The following PLPPR1 variants were observed in gnomAD, a reference collection of about 807,000 sequenced individuals.
The protein encoded by PLPPR1 is phospholipid phosphatase-related protein type 1.
PLPPR1 carries 10 observed loss-of-function variants against 33.1 expected under a neutral mutation model. The ratio of observed to expected loss-of-function variants is 0.30; its 90% CI spans 0.19 to 0.51. The LOEUF is 0.51. PLPPR1 is among the 20% of genes least tolerant of loss of function. PLPPR1 has a pLI of 0.97. For missense variants in PLPPR1, 304 were observed against 408.1 expected, an observed-to-expected ratio of 0.74 and a Z score of 2.20; for synonymous variants, 151 against 151.0, an observed-to-expected ratio of 1.00 and a Z score of 0.00.
At chr9:101,125,470 C>T in intron 1 of PLPPR1, 1 of 300,176 alleles carries the variant, frequency 3.3e-6, no homozygotes, top group East Asian at 8.4e-5. Flanking sequence ...CTGGGTAGAG[C>T]TCAGAAATCC....
At chr9:101,040,469 T>C (rs755324864) in intron 1 of PLPPR1, among the ~76,000 whole-genome samples, 7 of 152,170 alleles carry the variant, frequency 4.6e-5, no homozygotes, top group African/African-American at 1.4e-4. Context: ...ATACCCAAGA[T>C]AGAATCTGAT....
chr9:101,084,484 C>T (rs1023093762), intron 1 of PLPPR1, among the ~76,000 whole-genome samples: 3 of 152,170 alleles, frequency 2.0e-5, no homozygotes, highest in African/African-American at 7.2e-5. Flanking sequence ...CTTTAATCTA[C>T]ACAATCTTCT....
chr9:101,035,049 C>T (rs936154888), intron 1 of PLPPR1, among the ~76,000 whole-genome samples: 1 of 152,154 alleles, frequency 6.6e-6, no homozygotes, highest in African/African-American at 2.4e-5. Flanking sequence ...TTTGCACCTT[C>T]AGGCTCATAG....
At chr9:101,127,786 G>A (rs1221791358) in intron 1 of PLPPR1, among the ~76,000 whole-genome samples, 5 of 152,150 alleles carry the variant, frequency 3.3e-5, no homozygotes, top group Non-Finnish European at 7.3e-5. Context: ...TCCTGGACAT[G>A]TTCCAAGACT....
At chr9:101,132,301 GA>G (rs1187540931) in intron 1 of PLPPR1, among the ~76,000 whole-genome samples, 1 of 152,052 alleles carries the variant, frequency 6.6e-6, no homozygotes, top group Admixed American at 6.6e-5. Flanking sequence ...GGAAAGTGAA[GA>G]AAACTAGAGC....
chr9:101,266,108 C>T (rs1388967149), intron 2 of PLPPR1, among the ~76,000 whole-genome samples: 1 of 151,104 alleles, frequency 6.6e-6, no homozygotes, highest in Non-Finnish European at 1.5e-5. Flanking sequence ...GGGGGACTTC[C>T]CAGGGAGTTT....
intron 4 of PLPPR1, 115 bp downstream of exon 4, chr9:101,286,351 G>A (rs1455532895): frequency 8.2e-6 from 8 of 972,346 alleles, no homozygotes; most frequent in Non-Finnish European, 1.2e-5. Flanking sequence ...GGCTGCTTTG[G>A]GGATTTTCCT....
intron 1 of PLPPR1, among the ~76,000 whole-genome samples, chr9:101,046,446 T>TC (rs1201177701): frequency 1.4e-5 from 2 of 145,450 alleles, no homozygotes; most frequent in African/African-American, 5.1e-5. Flanking sequence ...TTTTTTTTTT[T>TC]TTTTTTTTTT....
chr9:101,088,523 G>T (rs1830704819), intron 1 of PLPPR1, among the ~76,000 whole-genome samples: 1 of 152,042 alleles, frequency 6.6e-6, no homozygotes, highest in Non-Finnish European at 1.5e-5. Context: ...TAGCATAGAA[G>T]TTGAAAATAA....
chr9:101,322,897 T>C (rs867183029), intron 7 of PLPPR1, among the ~76,000 whole-genome samples: 2 of 152,252 alleles, frequency 1.3e-5, no homozygotes, highest in South Asian at 2.1e-4. Context: ...TACAAGACCA[T>C]GATACAAGTC....
At chr9:101,221,124 A>G (rs531777224) in intron 2 of PLPPR1, among the ~76,000 whole-genome samples, 2 of 152,230 alleles carry the variant, frequency 1.3e-5, no homozygotes, top group South Asian at 4.2e-4. Context: ...GTATTGCAGT[A>G]CAGGCAGTAT....
chr9:101,301,475 T>C (rs1190646823), intron 4 of PLPPR1, among the ~76,000 whole-genome samples: 1 of 152,208 alleles, frequency 6.6e-6, no homozygotes, highest in Non-Finnish European at 1.5e-5. Context: ...TTATAATTCA[T>C]TTTAACAGAT....
intron 1 of PLPPR1, among the ~76,000 whole-genome samples, chr9:101,162,503 G>T (rs1825778173): frequency 6.6e-6 from 1 of 152,200 alleles, no homozygotes; most frequent in African/African-American, 2.4e-5. Context: ...ATTTGCTCAG[G>T]GAAGAATTTG....
intron 1 of PLPPR1, among the ~76,000 whole-genome samples, chr9:101,132,470 C>T (rs1289295940): frequency 6.6e-6 from 1 of 151,938 alleles, no homozygotes; most frequent in Non-Finnish European, 1.5e-5. Flanking sequence ...ATTATGGAGA[C>T]AATAAGGAGG....
intron 1 of PLPPR1, among the ~76,000 whole-genome samples, chr9:101,031,474 A>C (rs1829944034): frequency 6.6e-6 from 1 of 152,330 alleles, no homozygotes; most frequent in African/African-American, 2.4e-5. Context: ...TTGTACTATG[A>C]GCTCTTAACG....
chr9:101,063,353 G>A (rs1000509507), intron 1 of PLPPR1, among the ~76,000 whole-genome samples: 1 of 152,078 alleles, frequency 6.6e-6, no homozygotes, highest in South Asian at 2.1e-4. Context: ...GATCCTTTAT[G>A]TGTCAATCAG....
At chr9:101,113,206 CT>C (rs34152471) in intron 1 of PLPPR1, among the ~76,000 whole-genome samples, 45,205 of 144,128 alleles carry the variant, frequency 0.31, 7,063 homozygotes, top group Admixed American at 0.41. Context: ...CATATTAATC[CT>C]TTTTTTTTTT....
intron 2 of PLPPR1, among the ~76,000 whole-genome samples, chr9:101,204,193 TA>T (rs1334310220): frequency 6.6e-6 from 1 of 152,058 alleles, no homozygotes; most frequent in Non-Finnish European, 1.5e-5. Flanking sequence ...TTTCAAGAGG[TA>T]GAGTGGTGTG....
chr9:101,314,083 T>G (rs1414517556), intron 6 of PLPPR1, among the ~76,000 whole-genome samples: 1 of 152,166 alleles, frequency 6.6e-6, no homozygotes, highest in Admixed American at 6.5e-5. Context: ...CCAGAAAAAT[T>G]TATGATGAAT....
Sources: gnomAD v4.1 joint callset for allele counts (sites outside exome capture counted in the v4.1 genomes callset) on GRCh38, gnomAD v4.1.1 for gene constraint, MANE v1.5 for transcripts, NCBI Gene and HGNC (gene_info 2026-07-23, HGNC 2026-07-21) for gene names.